FAM228A: variants seen among roughly 807,000 people sequenced by gnomAD.
The protein encoded by FAM228A is family with sequence similarity 228 member A, also known as protein FAM228A.
FAM228A carries 13 observed loss-of-function variants against 18.6 expected under a neutral mutation model. That is an observed-to-expected ratio of 0.70 (90% CI 0.45 to 1.11). FAM228A has a LOEUF of 1.11. Ranked by LOEUF, FAM228A falls within the 50% of genes least tolerant of loss-of-function variation. The pLI, the probability that FAM228A is intolerant of heterozygous loss-of-function variation, is 0.00. For synonymous variants in FAM228A, 77 were observed against 86.6 expected (o/e 0.89, Z 0.61); for missense variants, 240 against 242.2 (o/e 0.99, Z 0.06).
rs1668074244 is a variant in FAM228A at position 24,191,103 on chromosome 2, T to C, written c.*472T>C. The stretch of plus-strand genomic sequence containing the variant: ...AAAGGTATTTTTATATGTAGGAATT[T>C]TCTGAGTATGGATTTCTTATCCAGA... On this transcript the variant is annotated 3_prime_UTR_variant, in exon 6 of 6. Coordinates refer to ENST00000295150, the MANE Select transcript of FAM228A (RefSeq NM_001040710.3). The C allele has an allele frequency of 1.0e-6, 1 of 985,758 alleles. No individual in the cohort carries two copies. The highest frequency in any genetic ancestry group is 1.7e-5 in the African/African-American group (1 of 57,232). The allele number at this position is 985,758 out of a possible 1,614,324, so 61.1% of individuals were successfully genotyped here.
chr2:24,183,162 C>T, intron 3 of FAM228A, 123 bp from the exon 4 acceptor site: 1 of 715,476 alleles, frequency 1.4e-6, no homozygotes, highest in Non-Finnish European at 2.4e-6. Flanking sequence ...ACCCTCGCCC[C>T]CTCCTGCCCT....
At chr2:24,182,419 A>G (rs1667836819) in intron 3 of FAM228A, among the ~76,000 whole-genome samples, 1 of 152,138 alleles carries the variant, frequency 6.6e-6, no homozygotes, top group Admixed American at 6.5e-5. Context: ...TAGTTTATTC[A>G]GTAATTGTTT....
Position 24,190,839 on chromosome 2 carries a change from G to T in FAM228A, c.*208G>T. ...TGGGACCTGGACCCCACTTTCCGGA[G>T]ACATCCTGTCCTTCCGAGGTGAGGG... On this transcript the variant is annotated 3_prime_UTR_variant, in exon 6 of 6. Transcript: ENST00000295150. 7.9e-7 allele frequency: 1 copy of T among 1,260,430 alleles called. No individual in the cohort carries two copies. The allele number at this position is 1,260,430 out of a possible 1,614,324, so 78.1% of individuals were successfully genotyped here.
intron 3 of FAM228A, among the ~76,000 whole-genome samples, chr2:24,181,904 CTG>C (rs1023692289): frequency 3.3e-5 from 5 of 152,164 alleles, no homozygotes; most frequent in African/African-American, 1.2e-4. Context: ...GGAATTTACA[CTG>C]TGCACAAGGC....
Position 24,190,878 on chromosome 2 carries a change from A to G in FAM228A, c.*247A>G. On this transcript the variant is annotated 3_prime_UTR_variant, in exon 6 of 6. Coordinates refer to ENST00000295150, the MANE Select transcript of FAM228A (RefSeq NM_001040710.3). ...CCGAGGTGAGGGCCAACCTGGCCAC[A>G]GGGGCTTTTCCCCCTGAGATTTCTT... 1 of 1,201,722 alleles carries G rather than the reference A, an allele frequency of 8.3e-7. No homozygotes were observed. The allele number at this position is 1,201,722 out of a possible 1,614,324, so 74.4% of individuals were successfully genotyped here. A position where few individuals can be genotyped will look rare whatever the true frequency, so the allele number is the denominator to read the frequency against.
At chr2:24,175,856 A>G (rs1344640610) in intron 2 of FAM228A, 1 of 1,174,326 alleles carries the variant, frequency 8.5e-7, no homozygotes, top group Admixed American at 3.9e-5. Context: ...CTTGCCAGTC[A>G]ATTCTGCATA....
In FAM228A at chr2:24,183,527, A is replaced by G. The variant is rs1667866841; in HGVS notation, c.283A>G (p.Ile95Val). 1.9e-6 allele frequency: 3 copies of G among 1,612,674 alleles called. No homozygotes were observed. The highest frequency in any genetic ancestry group is 2.5e-6 in the Non-Finnish European group (3 of 1,179,556). ...ACATTCCATAAAAGAACTTGAAGAA[A>G]TAGAGAAGGCCAGGCTGCATGCCAG... ...KRHSIKELEE[I>V]EKARLHASSP... The change falls in exon 5 of 6, where the codon ATA becomes GTA. Residue 95 changes from isoleucine (I) to valine (V), a missense_variant. Transcript: ENST00000295150.
In FAM228A at chr2:24,183,568, T is replaced by G; in HGVS notation, c.324T>G (p.Thr108=). ...ARLHASSPYF[T]FTSHCVIPKE... ...TGCATGCCAGCTCGCCCTACTTCAC[T>G]TTCACTTCACACTGTGTGATTCCAA... Residue 108 remains threonine, a synonymous_variant, in exon 5 of 6, where the codon ACT becomes ACG. Coordinates refer to ENST00000295150, the MANE Select transcript of FAM228A (RefSeq NM_001040710.3). 26 of 1,614,098 alleles carry G rather than the reference T, an allele frequency of 1.6e-5. No individual in the cohort carries two copies. Among genetic ancestry groups the G allele is most frequent in the Non-Finnish European group, 2.1e-5 (25 of 1,179,984 alleles).
At chr2:24,179,454 G>T (rs1667765890) in intron 3 of FAM228A, among the ~76,000 whole-genome samples, 1 of 152,150 alleles carries the variant, frequency 6.6e-6, no homozygotes, top group South Asian at 2.1e-4. Context: ...GGTTGGAGGG[G>T]ATAGGAGTGT....
intron 4 of FAM228A, 61 bp from the exon 5 acceptor site, chr2:24,183,434 T>A: frequency 1.2e-6 from 2 of 1,609,344 alleles, no homozygotes; most frequent in Non-Finnish European, 1.7e-6. Context: ...GATTTCTCAC[T>A]CCTTCAAGAG....
intron 3 of FAM228A, among the ~76,000 whole-genome samples, chr2:24,183,029 G>A (rs960882743): frequency 2.6e-5 from 4 of 151,948 alleles, no homozygotes; most frequent in African/African-American, 9.7e-5. Flanking sequence ...TTTTAGATTC[G>A]GGGGTACACA....
At chr2:24,180,870 G>A (rs1667800890) in intron 3 of FAM228A, among the ~76,000 whole-genome samples, 1 of 152,156 alleles carries the variant, frequency 6.6e-6, no homozygotes, top group South Asian at 2.1e-4. Flanking sequence ...GTTGAGTCTT[G>A]ACACCACTTT....
chr2:24,177,904 G>A lies in FAM228A; in HGVS notation c.162+34G>A, dbSNP rs771361828. 4 of 1,380,306 alleles carry A rather than the reference G, an allele frequency of 2.9e-6. No homozygotes were observed. In the South Asian group the frequency reaches 4.9e-5, roughly 17 times the overall value. The allele number at this position is 1,380,306 out of a possible 1,614,324, so 85.5% of individuals were successfully genotyped here. A position where few individuals can be genotyped will look rare whatever the true frequency, so the allele number is the denominator to read the frequency against. Reference sequence around the variant, plus strand: ...TGGCTCCACGCTGCATTCTACATATGTTCTAGGGGAGCAAGAGTGTGCAGA... The same window carrying A: ...TGGCTCCACGCTGCATTCTACATATATTCTAGGGGAGCAAGAGTGTGCAGA... On this transcript the variant is annotated intron_variant, in intron 3 of 5. Coordinates refer to ENST00000295150, the MANE Select transcript of FAM228A (RefSeq NM_001040710.3).
chr2:24,186,580 T>C (rs1195143778), intron 5 of FAM228A, among the ~76,000 whole-genome samples: 1 of 152,150 alleles, frequency 6.6e-6, no homozygotes, highest in Non-Finnish European at 1.5e-5. Flanking sequence ...ATATATTAAT[T>C]TTTATGCATT....
intron 1 of FAM228A, 126 bp downstream of exon 1, chr2:24,175,300 C>A: frequency 1.6e-6 from 1 of 609,582 alleles, no homozygotes; most frequent in Non-Finnish European, 2.9e-6. Flanking sequence ...GAGTGGGTAG[C>A]CGGGCCTGTT....
In FAM228A at chr2:24,191,270, C is replaced by T; in HGVS notation, c.*639C>T. 1.0e-6 allele frequency: 1 copy of T among 985,654 alleles called. No individual in the cohort carries two copies. The highest frequency in any genetic ancestry group is 1.2e-6 in the Non-Finnish European group (1 of 830,134). 61.1% of individuals were successfully genotyped at this position (985,654 alleles called of 1,614,324 possible). ...GGGCTTGGTGGGCCACCGCTCAGCT[C>T]AGGACCTGACAGCGTCACTCCCACC... is the stretch of plus-strand genomic sequence containing the variant. On this transcript the variant is annotated 3_prime_UTR_variant, in exon 6 of 6. Transcript: ENST00000295150.
At chr2:24,175,853 G>A in intron 2 of FAM228A, 1 of 1,189,874 alleles carries the variant, frequency 8.4e-7, no homozygotes, top group Non-Finnish European at 1.1e-6. Flanking sequence ...GGGCTTGCCA[G>A]TCAATTCTGC....
chr2:24,179,185 T>C, intron 3 of FAM228A: 1 of 1,168,554 alleles, frequency 8.6e-7, no homozygotes, highest in Non-Finnish European at 1.1e-6. Context: ...AAAAATGGGT[T>C]GAAAATGTTG....
chr2:24,188,754 C>T, intron 5 of FAM228A: 3 of 668,622 alleles, frequency 4.5e-6, no homozygotes, highest in South Asian at 1.3e-4. Context: ...TTAAAGCTGT[C>T]CAGTGATTTT....
Sources: gnomAD v4.1 joint callset for allele counts (sites outside exome capture counted in the v4.1 genomes callset) on GRCh38, gnomAD v4.1.1 for gene constraint, MANE v1.5 for transcripts, NCBI Gene and HGNC (gene_info 2026-07-23, HGNC 2026-07-21) for gene names.